KANK1: variants seen among roughly 807,000 people sequenced by gnomAD.
KANK1 encodes the protein KN motif and ankyrin repeat domain-containing protein 1.
In KANK1, 109 loss-of-function variants were observed where a neutral mutation model predicts 106.2. The observed-to-expected ratio is 1.03, with a 90% confidence interval of 0.88 to 1.20. KANK1 has a LOEUF of 1.20. Ranked by LOEUF, KANK1 falls within the 50% of genes most tolerant of loss-of-function variation. KANK1 has a pLI of 0.00. For missense variants in KANK1, 2,399 were observed against 1,710.7 expected (o/e 1.40, Z -7.10); for synonymous variants, 873 against 652.2 (o/e 1.34, Z -5.16).
Position 711,209 on chromosome 9 carries a change from C to T in KANK1, c.443C>T (p.Pro148Leu). The T allele has an allele frequency of 6.2e-7, 1 of 1,614,180 alleles. No homozygotes were observed. The highest frequency in any genetic ancestry group is 1.1e-5 in the South Asian group (1 of 91,078). Residue 148 changes from proline to leucine, a missense_variant, in exon 3 of 12, where the codon CCA (proline) becomes CTA (leucine). By Grantham distance (98) the Pro-to-Leu change is moderately conservative. Transcript: ENST00000382297. ...RQLPPPSPQL[P>L]KHNLHVTKTL... Reference sequence around the variant, plus strand: ...CTGCCACCTCCCTCACCACAACTCCCAAAGCATAACCTTCATGTCACCAAG... The same window carrying T: ...CTGCCACCTCCCTCACCACAACTCCTAAAGCATAACCTTCATGTCACCAAG...
intron 2 of KANK1, among the ~76,000 whole-genome samples, chr9:701,162 G>A (rs1216707724): frequency 6.6e-6 from 1 of 152,152 alleles, no homozygotes; most frequent in Non-Finnish European, 1.5e-5. Flanking sequence ...TGCCCAGGCT[G>A]GAGTGCAATG....
intron 1 of KANK1, among the ~76,000 whole-genome samples, chr9:538,082 A>T (rs762293375): frequency 6.6e-6 from 1 of 152,012 alleles, no homozygotes; most frequent in Non-Finnish European, 1.5e-5. Context: ...GGCAGCACTG[A>T]AAAGCAGATG....
At chr9:504,147 G>C (rs2058622518), upstream of KANK1, among the ~76,000 whole-genome samples, 1 of 152,150 alleles carries the variant, frequency 6.6e-6, no homozygotes, top group Admixed American at 6.5e-5. Flanking sequence ...GGGGGAGGAC[G>C]TCGAGCAGGC....
At chr9:588,186 T>G (rs80321579) in intron 1 of KANK1, among the ~76,000 whole-genome samples, 5,299 of 152,148 alleles carry the variant, frequency 0.035, 125 homozygotes, top group Non-Finnish European at 0.055. Context: ...TGGGCTTTTT[T>G]ACATACTTCT....
intron 1 of KANK1, among the ~76,000 whole-genome samples, chr9:594,537 C>T (rs1825760592): frequency 6.6e-6 from 1 of 151,710 alleles, no homozygotes; most frequent in Non-Finnish European, 1.5e-5. Context: ...GGGAACCAGC[C>T]CTGCCAGAGA....
chr9:743,342 A>G (rs1333113092), intron 10 of KANK1, among the ~76,000 whole-genome samples: 1 of 152,212 alleles, frequency 6.6e-6, no homozygotes, highest in Non-Finnish European at 1.5e-5. Flanking sequence ...AGCCATCTCC[A>G]CAGGAGCACA....
intron 1 of KANK1, among the ~76,000 whole-genome samples, chr9:505,313 C>A (rs2058701192): frequency 6.6e-6 from 1 of 152,154 alleles, no homozygotes; most frequent in South Asian, 2.1e-4. Flanking sequence ...CCTCCGCCAA[C>A]TCCGAGGTGG....
At chr9:500,821 T>G (rs1196780731), upstream of KANK1, among the ~76,000 whole-genome samples, 1 of 152,186 alleles carries the variant, frequency 6.6e-6, no homozygotes, top group East Asian at 1.9e-4. Flanking sequence ...TACCCTGGAC[T>G]TGCACAGATG....
At chr9:482,434 A>G (rs1302007882) in intron 3 of KANK1, among the ~76,000 whole-genome samples, 1 of 152,172 alleles carries the variant, frequency 6.6e-6, no homozygotes, top group African/African-American at 2.4e-5. Context: ...ACGTGCCAGA[A>G]TCTGTGCTGA....
intron 1 of KANK1, among the ~76,000 whole-genome samples, chr9:531,319 T>C (rs1362211877): frequency 2.6e-5 from 4 of 151,986 alleles, no homozygotes; most frequent in Non-Finnish European, 4.4e-5. Context: ...TAGTCCCAGC[T>C]ACTGAGGAGA....
intron 1 of KANK1, among the ~76,000 whole-genome samples, chr9:529,518 G>A (rs990225944): frequency 3.0e-5 from 4 of 134,068 alleles, no homozygotes; most frequent in African/African-American, 1.1e-4. Flanking sequence ...TTTTTAAAAT[G>A]TGTGTATATG....
At chr9:739,464 C>T (rs12002416) in intron 8 of KANK1, among the ~76,000 whole-genome samples, 23,550 of 152,100 alleles carry the variant, frequency 0.15, 3,831 homozygotes, top group African/African-American at 0.41. Flanking sequence ...CTTCCTTTCT[C>T]TTATAAGTGT....
At chr9:740,304 C>A (rs762635474) in intron 8 of KANK1, among the ~76,000 whole-genome samples, 1 of 152,220 alleles carries the variant, frequency 6.6e-6, no homozygotes, top group Non-Finnish European at 1.5e-5. Context: ...GGACCCCCGA[C>A]AGGCCAGAGT....
intron 2 of KANK1, among the ~76,000 whole-genome samples, chr9:679,499 C>G (rs926065944): frequency 2.0e-5 from 3 of 152,160 alleles, no homozygotes; most frequent in African/African-American, 7.2e-5. Context: ...ACTGCAACCT[C>G]TGCCTCCTGG....
chr9:650,542 C>T (rs187016187), intron 1 of KANK1, among the ~76,000 whole-genome samples: 3 of 152,180 alleles, frequency 2.0e-5, no homozygotes, highest in African/African-American at 7.2e-5. Flanking sequence ...GACCACAGGC[C>T]ATGACTTGAG....
At chr9:663,291 T>C (rs2138194109) in intron 1 of KANK1, among the ~76,000 whole-genome samples, 1 of 152,320 alleles carries the variant, frequency 6.6e-6, no homozygotes, top group South Asian at 2.1e-4. Flanking sequence ...AAAGCACTGA[T>C]GTTTTAGTTG....
intron 3 of KANK1, among the ~76,000 whole-genome samples, chr9:721,212 G>A (rs1829233499): frequency 1.3e-5 from 2 of 152,272 alleles, no homozygotes; most frequent in Middle Eastern, 3.4e-3. Context: ...CCTTTACAGG[G>A]TTCCTAACCT....
chr9:566,906 C>T (rs775946130), intron 1 of KANK1, among the ~76,000 whole-genome samples: 14 of 152,102 alleles, frequency 9.2e-5, no homozygotes, highest in Non-Finnish European at 1.8e-4. Flanking sequence ...TTTTGACATT[C>T]TCGTCACGAA....
chr9:543,873 C>G (rs796429052), intron 1 of KANK1, among the ~76,000 whole-genome samples: 3 of 152,160 alleles, frequency 2.0e-5, no homozygotes, highest in Non-Finnish European at 4.4e-5. Flanking sequence ...AAATCCAGGG[C>G]TTCTCTATTA....
Sources: allele counts gnomAD v4.1 joint callset (sites outside exome capture counted in the v4.1 genomes callset), GRCh38; gene constraint gnomAD v4.1.1; transcripts MANE v1.5; gene names NCBI Gene and HGNC (gene_info 2026-07-23, HGNC 2026-07-21).